Variants in CSMD2 observed in about 807,000 individuals in gnomAD.
CSMD2 encodes CUB and Sushi multiple domains 2, also known as CUB and sushi domain-containing protein 2.
CSMD2 carries 130 observed loss-of-function variants against 398.5 expected under a neutral mutation model. The ratio of observed to expected loss-of-function variants is 0.33; its 90% CI spans 0.28 to 0.38. The LOEUF is 0.38. Among genes scored for constraint, CSMD2 ranks in the 10% least tolerant of loss-of-function variants. The pLI is 1.00. For synonymous variants in CSMD2, 1,828 were observed against 1,908.5 expected (o/e 0.96, Z 1.10); for missense variants, 3,829 against 4,764.9 (o/e 0.80, Z 5.78).
chr1:34,032,987 G>A (rs1194716254), intron 2 of CSMD2, among the ~76,000 whole-genome samples: 1 of 152,116 alleles, frequency 6.6e-6, no homozygotes, highest in Non-Finnish European at 1.5e-5. Flanking sequence ...TTCTTTTCCT[G>A]TCTCCTCTCT....
intron 27 of CSMD2, among the ~76,000 whole-genome samples, chr1:33,653,258 C>T (rs140270153): frequency 4.6e-4 from 70 of 152,228 alleles, no homozygotes; most frequent in Middle Eastern, 3.4e-3. Context: ...TAGACGGAGC[C>T]GGCACTGTCT....
intron 2 of CSMD2, among the ~76,000 whole-genome samples, chr1:34,034,508 AATG>A (rs1225652307): frequency 6.6e-6 from 1 of 152,168 alleles, no homozygotes; most frequent in Non-Finnish European, 1.5e-5. Context: ...CTTTAGAGAA[AATG>A]ATATCGCCAG....
In CSMD2 at chr1:33,907,285, A is replaced by ATTT. The variant is rs565058113; in HGVS notation, c.920+10806_920+10808dup. On this transcript the variant is annotated intron_variant, in intron 5 of 70. Coordinates refer to ENST00000373381, the MANE Select transcript of CSMD2 (RefSeq NM_001281956.2). ...AGGCGTCTGCCACCACGCCCAGCTA[A>ATTT]TTTTTTTTTTTTTTTGTATTTTTAG... 5.7e-5 allele frequency among the ~76,000 whole-genome samples: 8 copies of ATTT among 141,016 alleles called. No homozygotes were observed. The East Asian group carries it at 1.7e-3, about 29-fold the overall frequency. 92.5% of individuals were successfully genotyped at this position (141,016 alleles called of 152,430 possible). A position where few individuals can be genotyped will look rare whatever the true frequency, so the allele number is the denominator to read the frequency against.
At chr1:34,123,428 A>C (rs72886060) in intron 1 of CSMD2, among the ~76,000 whole-genome samples, 3,081 of 152,136 alleles carry the variant, frequency 0.02, 99 homozygotes, top group African/African-American at 0.07. Flanking sequence ...TCTAACGTTC[A>C]TCTGTATCCT....
intron 2 of CSMD2, among the ~76,000 whole-genome samples, chr1:34,071,034 T>C (rs933442841): frequency 6.6e-6 from 1 of 152,158 alleles, no homozygotes; most frequent in African/African-American, 2.4e-5. Flanking sequence ...AATAATCAAA[T>C]TGGAAGGTGG....
chr1:33,762,753 G>A (rs1278519464), intron 13 of CSMD2, among the ~76,000 whole-genome samples: 4 of 152,162 alleles, frequency 2.6e-5, no homozygotes, highest in African/African-American at 4.8e-5. Context: ...TTCAGAGACT[G>A]CTTTAAAATA....
At chr1:34,123,474 T>C (rs1289558182) in intron 1 of CSMD2, among the ~76,000 whole-genome samples, 3 of 152,036 alleles carry the variant, frequency 2.0e-5, no homozygotes, top group Non-Finnish European at 4.4e-5. Context: ...TAAACGTATG[T>C]GTTTCCCTGA....
At chr1:33,788,547 C>T (rs1204737736) in intron 12 of CSMD2, 53 bp downstream of exon 12, 1 of 963,484 alleles carries the variant, frequency 1.0e-6, no homozygotes, top group East Asian at 2.4e-5. Context: ...CAAATCCAGA[C>T]CCCGTCTCTG....
intron 29 of CSMD2, among the ~76,000 whole-genome samples, chr1:33,643,903 AAGGAAGG>A (rs1448845907): frequency 7.6e-6 from 1 of 131,002 alleles, no homozygotes; most frequent in African/African-American, 2.8e-5. Flanking sequence ...GGAAGGAAGG[AAGGAAGG>A]AAGGAAGGAA....
chr1:34,093,099 C>T (rs767443841), intron 1 of CSMD2, among the ~76,000 whole-genome samples: 5 of 152,112 alleles, frequency 3.3e-5, no homozygotes, highest in Non-Finnish European at 5.9e-5. Context: ...GGTCCCTGAC[C>T]CCTGACCCCC....
chr1:34,013,284 C>A (rs1275072208), intron 3 of CSMD2, among the ~76,000 whole-genome samples: 1 of 152,230 alleles, frequency 6.6e-6, no homozygotes, highest in African/African-American at 2.4e-5. Flanking sequence ...GTGCTCTGTG[C>A]CATGGGCGAG....
chr1:34,066,987 C>T (rs1016289666), intron 2 of CSMD2, among the ~76,000 whole-genome samples: 1 of 152,176 alleles, frequency 6.6e-6, no homozygotes, highest in African/African-American at 2.4e-5. Context: ...GCAAGCCTGT[C>T]ATGCCCTCGC....
chr1:33,617,663 C>A (rs767497440), intron 37 of CSMD2, 46 bp from the exon 38 acceptor site: 5 of 1,473,620 alleles, frequency 3.4e-6, no homozygotes, highest in African/African-American at 1.4e-5. Flanking sequence ...ACTAGCCCAG[C>A]AGGTCAACGT....
chr1:33,933,513 A>T (rs187328117), intron 4 of CSMD2, among the ~76,000 whole-genome samples: 1 of 152,346 alleles, frequency 6.6e-6, no homozygotes, highest in East Asian at 1.9e-4. Flanking sequence ...ATATTTCATA[A>T]CTTAGACACT....
chr1:33,617,813 C>T (rs773239131), intron 37 of CSMD2, among the ~76,000 whole-genome samples, 196 bp from the exon 38 acceptor site: 6 of 152,150 alleles, frequency 3.9e-5, no homozygotes, highest in African/African-American at 7.2e-5. Context: ...TTACATGGCA[C>T]GGAGGCTCAA....
intron 5 of CSMD2, chr1:33,863,947 G>A (rs1639750260): frequency 9.0e-6 from 4 of 444,664 alleles, no homozygotes; most frequent in Non-Finnish European, 1.2e-5. Context: ...CAACCAATAC[G>A]AGCACCTGTA....
chr1:33,655,564 C>T (rs372125726), intron 27 of CSMD2, among the ~76,000 whole-genome samples: 11 of 152,184 alleles, frequency 7.2e-5, no homozygotes, highest in Admixed American at 2.6e-4. Context: ...AGTGGAATCC[C>T]GAGCTCTAAC....
At chr1:33,822,652 A>T (rs1658291884) in intron 7 of CSMD2, among the ~76,000 whole-genome samples, 1 of 152,120 alleles carries the variant, frequency 6.6e-6, no homozygotes, top group Non-Finnish European at 1.5e-5. Flanking sequence ...GGAAAGTAAG[A>T]TGGAAGTGCC....
Position 33,625,037 on chromosome 1 carries a change from T to G in CSMD2, c.5500+14A>C, listed in dbSNP as rs1477150482. 1 of 1,613,154 alleles carries G rather than the reference T, an allele frequency of 6.2e-7. No homozygotes were observed. Among genetic ancestry groups the G allele is most frequent in the East Asian group, 2.2e-5 (1 of 44,800 alleles). ...GCCCCCCGCACCCTCAACGCCCGGG[T>G]CCTGGTTACTCACCCACACACGTGG... On this transcript the variant is annotated intron_variant, in intron 34 of 70. Coordinates refer to ENST00000373381, the MANE Select transcript of CSMD2 (RefSeq NM_001281956.2).
Sources: allele counts gnomAD v4.1 joint callset (sites outside exome capture counted in the v4.1 genomes callset), GRCh38; gene constraint gnomAD v4.1.1; transcripts MANE v1.5; gene names NCBI Gene and HGNC (gene_info 2026-07-23, HGNC 2026-07-21).